Variants in RUNX1T1 observed in about 807,000 individuals in gnomAD.
RUNX1T1 encodes RUNX1 partner transcriptional co-repressor 1.
In RUNX1T1, 4 loss-of-function variants were observed where a neutral mutation model predicts 62.8. The observed-to-expected ratio is 0.06, with a 90% CI of 0.03 to 0.15. The LOEUF (loss-of-function observed/expected upper bound fraction) is 0.15, where lower values mean the gene tolerates loss of function less well. Among genes scored for constraint, RUNX1T1 ranks in the 10% least tolerant of loss-of-function variants. The pLI is 1.00. For missense variants in RUNX1T1, 508 were observed against 754.3 expected (o/e 0.67, Z 3.82); for synonymous variants, 291 against 286.0 (o/e 1.02, Z -0.18).
intron 1 of RUNX1T1, among the ~76,000 whole-genome samples, chr8:92,050,179 A>G (rs78852358): frequency 0.032 from 4,904 of 152,268 alleles, 269 homozygotes; most frequent in African/African-American, 0.11. Context: ...AAGAAGAAGA[A>G]ATCAGGGGGA....
chr8:92,096,122 C>G (rs1206080869), intron 1 of RUNX1T1, among the ~76,000 whole-genome samples: 1 of 152,176 alleles, frequency 6.6e-6, no homozygotes, highest in African/African-American at 2.4e-5. Context: ...AAAATAGCTT[C>G]TGTCCCTGAA....
At chr8:92,016,278 T>C (rs1822976093) in intron 2 of RUNX1T1, among the ~76,000 whole-genome samples, 1 of 152,196 alleles carries the variant, frequency 6.6e-6, no homozygotes, top group Non-Finnish European at 1.5e-5. Flanking sequence ...TCTCTATCCT[T>C]TCCTTTGGAC....
intron 10 of RUNX1T1, among the ~76,000 whole-genome samples, chr8:91,969,740 C>G (rs908672085): frequency 6.6e-6 from 1 of 152,082 alleles, no homozygotes; most frequent in African/African-American, 2.4e-5. Context: ...TACAGAAAAG[C>G]CTGGTACAAA....
intron 7 of RUNX1T1, among the ~76,000 whole-genome samples, chr8:91,986,568 T>C (rs879849604): frequency 2.6e-5 from 4 of 152,178 alleles, no homozygotes; most frequent in Non-Finnish European, 5.9e-5. Context: ...GAAGGCATTA[T>C]AGCCAGTAAA....
chr8:92,092,849 A>T (rs369307369), intron 1 of RUNX1T1, among the ~76,000 whole-genome samples: 108 of 151,228 alleles, frequency 7.1e-4, no homozygotes, highest in Middle Eastern at 3.4e-3. Context: ...AGAATAGAAA[A>T]TTTTTTTTTT....
intron 2 of RUNX1T1, among the ~76,000 whole-genome samples, chr8:92,075,107 G>A (rs982274446): frequency 1.3e-5 from 2 of 152,216 alleles, no homozygotes; most frequent in African/African-American, 2.4e-5. Flanking sequence ...CCAAGGGTGA[G>A]TATTTCGCTC....
intron 9 of RUNX1T1, among the ~76,000 whole-genome samples, chr8:91,974,104 C>T (rs751959759): frequency 2.6e-5 from 4 of 152,026 alleles, no homozygotes; most frequent in African/African-American, 7.2e-5. Context: ...ACCTAAATTA[C>T]ACCCAGAATT....
intron 5 of RUNX1T1, among the ~76,000 whole-genome samples, chr8:92,000,934 A>G (rs763678653): frequency 2.0e-5 from 3 of 152,254 alleles, no homozygotes; most frequent in Non-Finnish European, 2.9e-5. Context: ...ATTTTATGCA[A>G]CTGGAAGATT....
At chr8:92,095,295 G>A (rs951614734) in intron 1 of RUNX1T1, 16 of 1,520,586 alleles carry the variant, frequency 1.1e-5, no homozygotes, top group Non-Finnish European at 1.4e-5. Flanking sequence ...CTTCCTCCTG[G>A]CCACCCCTCC....
intron 10 of RUNX1T1, among the ~76,000 whole-genome samples, chr8:91,961,993 T>C (rs1810559058): frequency 6.6e-6 from 1 of 152,176 alleles, no homozygotes; most frequent in South Asian, 2.1e-4. Context: ...TGGCTTAAGG[T>C]AAGCTCATGA....
At chr8:92,007,010 A>G (rs925181323) in intron 4 of RUNX1T1, among the ~76,000 whole-genome samples, 1 of 152,196 alleles carries the variant, frequency 6.6e-6, no homozygotes, top group African/African-American at 2.4e-5. Flanking sequence ...GCTAAAATTA[A>G]ACTCTTTGTA....
intron 4 of RUNX1T1, chr8:92,005,664 T>TA: frequency 5.6e-6 from 1 of 179,286 alleles, no homozygotes. Flanking sequence ...ATAGAGGGTA[T>TA]AAAAAATATA....
chr8:92,078,778 A>T (rs1834803493), intron 1 of RUNX1T1, among the ~76,000 whole-genome samples: 1 of 152,246 alleles, frequency 6.6e-6, no homozygotes, highest in East Asian at 1.9e-4. Flanking sequence ...CCAGATGCAG[A>T]CAGAAAACCT....
intron 2 of RUNX1T1, among the ~76,000 whole-genome samples, chr8:92,068,901 A>G (rs1379773945): frequency 6.6e-6 from 1 of 152,214 alleles, no homozygotes; most frequent in Non-Finnish European, 1.5e-5. Context: ...AATAAAAGCA[A>G]TTCTTGATGA....
chr8:92,052,456 A>G (rs886351107), intron 1 of RUNX1T1, among the ~76,000 whole-genome samples: 1 of 152,246 alleles, frequency 6.6e-6, no homozygotes, highest in African/African-American at 2.4e-5. Flanking sequence ...TATTTTTAAA[A>G]ATACATCATT....
intron 1 of RUNX1T1, among the ~76,000 whole-genome samples, chr8:92,053,131 T>A (rs1355253834): frequency 6.6e-6 from 1 of 152,094 alleles, no homozygotes; most frequent in Non-Finnish European, 1.5e-5. Context: ...ATTAAAATCA[T>A]TCAAATTTTT....
At chr8:91,976,062 C>T in intron 8 of RUNX1T1, 89 bp from the exon 10 acceptor site, 1 of 895,018 alleles carries the variant, frequency 1.1e-6, no homozygotes, top group Non-Finnish European at 1.8e-6. Context: ...TAAGCAATGC[C>T]CATTCTCCTG....
At chr8:91,958,590 A>C (rs1586665134), downstream of RUNX1T1, 1 of 182,572 alleles carries the variant, frequency 5.5e-6, no homozygotes, top group South Asian at 2.0e-4. Context: ...TTTTTAAAGT[A>C]GGATATCTTG....
exon 6 of RUNX1T1, chr8:91,991,811 G>T (rs756137201): frequency 5.6e-6 from 9 of 1,614,132 alleles, no homozygotes; most frequent in Non-Finnish European, 7.6e-6. Context: ...TGTACCGCTG[G>T]CCTGGGCTAA....
Sources: gnomAD v4.1 joint callset for allele counts (sites outside exome capture counted in the v4.1 genomes callset) on GRCh38, gnomAD v4.1.1 for gene constraint, MANE v1.5 for transcripts, NCBI Gene and HGNC (gene_info 2026-07-23, HGNC 2026-07-21) for gene names.